PKIB: variants seen among roughly 807,000 people sequenced by gnomAD.
PKIB encodes cAMP-dependent protein kinase inhibitor beta, also known as PKI-beta.
In PKIB, 2 loss-of-function variants were observed where a neutral mutation model predicts 4.5. The ratio of observed to expected loss-of-function variants is 0.44; its 90% confidence interval spans 0.18 to 1.39. The LOEUF (loss-of-function observed/expected upper bound fraction) is 1.39. Ranked by LOEUF, PKIB falls within the 40% of genes most tolerant of loss-of-function variation. The probability of loss-of-function intolerance (pLI) is 0.27; values close to 1 mark genes in which losing one functional copy is unlikely to be tolerated. For missense variants in PKIB, 94 were observed against 92.6 expected (o/e 1.02, Z -0.06); for synonymous variants, 38 against 36.0 (o/e 1.06, Z -0.20).
At chr6:122,686,606 C>A (rs1176566476) in intron 3 of PKIB, among the ~76,000 whole-genome samples, 2 of 151,882 alleles carry the variant, frequency 1.3e-5, no homozygotes, top group Non-Finnish European at 2.9e-5. Context: ...CAAGCAGTCC[C>A]CCCACCTCGC....
intron 2 of PKIB, among the ~76,000 whole-genome samples, chr6:122,522,257 C>T (rs970376034): frequency 1.3e-5 from 2 of 152,058 alleles, no homozygotes; most frequent in Admixed American, 1.3e-4. Context: ...AGTGCAAAAA[C>T]TGTAATTACT....
intron 2 of PKIB, among the ~76,000 whole-genome samples, chr6:122,513,637 CCT>C (rs1197746299): frequency 1.3e-5 from 2 of 152,076 alleles, no homozygotes; most frequent in Non-Finnish European, 2.9e-5. Flanking sequence ...CCTTCCCTCC[CCT>C]GTCTAGTAGT....
At chr6:122,665,226 T>G (rs1043778214) in intron 2 of PKIB, among the ~76,000 whole-genome samples, 3 of 152,226 alleles carry the variant, frequency 2.0e-5, no homozygotes, top group Non-Finnish European at 4.4e-5. Flanking sequence ...AGTGAACATT[T>G]CAACCTTTGT....
At chr6:122,476,710 G>A (rs1247653947) in intron 1 of PKIB, among the ~76,000 whole-genome samples, 1 of 152,138 alleles carries the variant, frequency 6.6e-6, no homozygotes, top group Non-Finnish European at 1.5e-5. Context: ...AATATTTAAT[G>A]TACTATTTTA....
exon 1 of PKIB, chr6:122,471,950 G>T: frequency 1.8e-6 from 2 of 1,139,748 alleles, no homozygotes; most frequent in Non-Finnish European, 2.4e-6. Flanking sequence ...CGACACGGCT[G>T]TCTTCTTTCC....
Position 122,725,136 on chromosome 6 carries a change from G to A in PKIB, c.178G>A (p.Glu60Lys), listed in dbSNP as rs909167690. 3 of 1,606,560 alleles carry A rather than the reference G, an allele frequency of 1.9e-6. No individual in the cohort carries two copies. Among genetic ancestry groups the A allele is most frequent in the African/African-American group, 2.7e-5 (2 of 74,394 alleles). ...GGAAATTTTTTTTTCAGATGCAAAA[G>A]AGAAAGATGAAAAAACAACACAAGA... ...EALSVKEDAK[E>K]KDEKTTQDQL... The change falls in exon 5 of 5, where the codon GAG becomes AAG. Residue 60 changes from glutamate to lysine, a missense_variant. Coordinates refer to ENST00000368452, the MANE Select transcript of PKIB (RefSeq NM_181795.3).
chr6:122,659,726 T>C lies in PKIB; in HGVS notation c.-75-15352T>C, dbSNP rs113569597. Among the ~76,000 whole-genome samples, 195 of 152,298 alleles carry C rather than the reference T, an allele frequency of 1.3e-3. 1 individual carries two copies. The highest frequency in any genetic ancestry group is 4.6e-3 in the African/African-American group (190 of 41,576). On this transcript the variant is annotated intron_variant, in intron 2 of 4. Coordinates refer to ENST00000368452, the MANE Select transcript of PKIB (RefSeq NM_181795.3). ...ATAACTCTCAGTCTTGAGCTATTTT[T>C]CGGTAAAGTTGCCTATGTGTATCAC... is the stretch of plus-strand genomic sequence containing the variant.
At chr6:122,685,798 A>G (rs1323237414) in intron 3 of PKIB, among the ~76,000 whole-genome samples, 1 of 152,078 alleles carries the variant, frequency 6.6e-6, no homozygotes, top group Non-Finnish European at 1.5e-5. Flanking sequence ...CCATCCCACC[A>G]CTAACCCATG....
chr6:122,698,304 A>T (rs1242059176), intron 3 of PKIB, among the ~76,000 whole-genome samples: 1 of 152,164 alleles, frequency 6.6e-6, no homozygotes, highest in Non-Finnish European at 1.5e-5. Context: ...GACTGATGGT[A>T]GAGGAGGCCA....
chr6:122,693,911 A>T (rs1778450652), intron 3 of PKIB, among the ~76,000 whole-genome samples: 1 of 152,240 alleles, frequency 6.6e-6, no homozygotes, highest in African/African-American at 2.4e-5. Flanking sequence ...CAAGGCCATC[A>T]GCATATATCC....
chr6:122,664,473 G>A lies in PKIB; in HGVS notation c.-75-10605G>A, dbSNP rs1040206775. ...TCACCAGGCTGGAGAGAAGTGATGCGTGATCATAGCTCACTGTAACCTCAA... is the reference window on the plus strand; with the variant it reads ...TCACCAGGCTGGAGAGAAGTGATGCATGATCATAGCTCACTGTAACCTCAA... On this transcript the variant is annotated intron_variant, in intron 2 of 4. Coordinates refer to ENST00000368452, the MANE Select transcript of PKIB (RefSeq NM_181795.3). Among the ~76,000 whole-genome samples, 8 of 152,096 alleles carry A rather than the reference G, an allele frequency of 5.3e-5. No individual in the cohort carries two copies. The South Asian group carries it at 1.0e-3, about 20-fold the overall frequency.
chr6:122,521,770 T>C (rs1365453840), intron 2 of PKIB, among the ~76,000 whole-genome samples: 6 of 152,184 alleles, frequency 3.9e-5, no homozygotes, highest in Non-Finnish European at 1.5e-5. Context: ...CCCACTTATC[T>C]AGCTTTTTCA....
chr6:122,613,975 A>AAT, intron 1 of PKIB, among the ~76,000 whole-genome samples: 1 of 151,748 alleles, frequency 6.6e-6, no homozygotes, highest in African/African-American at 2.4e-5. Flanking sequence ...AAAAAAAAAA[A>AAT]AAAAAGAATT....
At chr6:122,638,059 C>CAGT (rs1262921328) in intron 2 of PKIB, among the ~76,000 whole-genome samples, 1 of 151,992 alleles carries the variant, frequency 6.6e-6, no homozygotes, top group African/African-American at 2.4e-5. Context: ...TTGAATAATG[C>CAGT]AGTAGATAAT....
In PKIB at chr6:122,664,076, C is replaced by A. The variant is rs561968636; in HGVS notation, c.-75-11002C>A. ...TCTCTACAAGATGATGTTATGTCAA[C>A]TAGTGCAGTATGATATGACAACAGT... On this transcript the variant is annotated intron_variant, in intron 2 of 4. Transcript: ENST00000368452. Among the ~76,000 whole-genome samples, 73 of 152,160 alleles carry A rather than the reference C, an allele frequency of 4.8e-4. 1 individual carries two copies. Among genetic ancestry groups the A allele is most frequent in the Admixed American group, 8.5e-4 (13 of 15,278 alleles).
intron 3 of PKIB, among the ~76,000 whole-genome samples, chr6:122,597,910 A>G (rs1774230573): frequency 6.6e-6 from 1 of 152,104 alleles, no homozygotes; most frequent in African/African-American, 2.4e-5. Context: ...GTAAGCCCCT[A>G]CTTTAACTGG....
chr6:122,522,148 C>CA (rs34871200), intron 2 of PKIB, among the ~76,000 whole-genome samples: 98 of 149,380 alleles, frequency 6.6e-4, no homozygotes, highest in East Asian at 2.0e-3. Flanking sequence ...AAGTCATTAG[C>CA]AAAAAAAAAA....
chr6:122,526,988 G>T (rs1308421139), intron 2 of PKIB, among the ~76,000 whole-genome samples: 1 of 152,100 alleles, frequency 6.6e-6, no homozygotes, highest in Admixed American at 6.6e-5. Context: ...ACGTCTTCTG[G>T]ATAACTTGCT....
intron 1 of PKIB, among the ~76,000 whole-genome samples, chr6:122,628,344 C>A (rs1562276464): frequency 1.3e-5 from 2 of 151,978 alleles, no homozygotes; most frequent in Admixed American, 6.6e-5. Flanking sequence ...GCCTCCAGTT[C>A]TTTCATTTAA....
Sources: allele counts gnomAD v4.1 joint callset (sites outside exome capture counted in the v4.1 genomes callset), GRCh38; gene constraint gnomAD v4.1.1; transcripts MANE v1.5; gene names NCBI Gene and HGNC (gene_info 2026-07-23, HGNC 2026-07-21).